WNT3A: variants seen among roughly 807,000 people sequenced by gnomAD.
WNT3A encodes the protein Wnt family member 3A.
A neutral mutation model predicts 37.0 loss-of-function variants in WNT3A; 17 were observed. The observed-to-expected ratio is 0.46, with a 90% confidence interval of 0.31 to 0.69. The LOEUF (loss-of-function observed/expected upper bound fraction) is 0.69. Among genes scored for constraint, WNT3A ranks in the 30% least tolerant of loss-of-function variants. The pLI is 0.05. For synonymous variants in WNT3A, 187 were observed against 211.0 expected (o/e 0.89, Z 0.99); for missense variants, 411 against 510.2 (o/e 0.81, Z 1.87).
rs1289208081 is a variant in WNT3A, at chr1:228,042,735, T to C, written c.314-7921T>C. Among the ~76,000 whole-genome samples, 3 of 150,792 alleles carry C rather than the reference T, an allele frequency of 2.0e-5. No individual in the cohort carries two copies. Among genetic ancestry groups the C allele is most frequent in the Non-Finnish European group, 4.4e-5 (3 of 67,708 alleles). Reference sequence around the variant, plus strand: ...GGATGATAGATGTATGGATAATGTATGGATATGGATGATGAATGGATGAAT... The same window carrying C: ...GGATGATAGATGTATGGATAATGTACGGATATGGATGATGAATGGATGAAT... On this transcript the variant is annotated intron_variant, in intron 2 of 3. Transcript: ENST00000284523. The surrounding 1 kb of genome is among the most constrained non-coding windows in gnomAD (Gnocchi z 5.2).
chr1:228,008,334 G>C lies in WNT3A; in HGVS notation c.71+1135G>C, dbSNP rs1415390508. 6.6e-6 allele frequency among the ~76,000 whole-genome samples: 1 copy of C among 152,206 alleles called. No homozygotes were observed. On this transcript the variant is annotated intron_variant, in intron 1 of 3. Coordinates refer to ENST00000284523, the MANE Select transcript of WNT3A (RefSeq NM_033131.4). The surrounding 1 kb of genome is among the most constrained non-coding windows in gnomAD (Gnocchi z 4.9). ...TATAATAATTACGCCGAGGGGAAGGGGGGAGACCCAGCGAGCCGAGGTACA... is the reference window on the plus strand; with the variant it reads ...TATAATAATTACGCCGAGGGGAAGGCGGGAGACCCAGCGAGCCGAGGTACA...
rs1036124311 is a variant in WNT3A, at chr1:228,035,177, TC to T, written c.313+12271del. On this transcript the variant is annotated intron_variant, in intron 2 of 3. Coordinates refer to ENST00000284523, the MANE Select transcript of WNT3A (RefSeq NM_033131.4). Reference sequence around the variant, plus strand: ...TGGGCTGAATCTTGAAGGATTTTCTTCCTTTAAAACACACACATATGCAGTA... The same window carrying T: ...TGGGCTGAATCTTGAAGGATTTTCTTCTTTAAAACACACACATATGCAGTA... 1.6e-4 allele frequency among the ~76,000 whole-genome samples: 25 copies of T among 152,286 alleles called. 1 individual carries two copies. Among genetic ancestry groups the T allele is most frequent in the Admixed American group, 6.5e-4 (10 of 15,298 alleles).
chr1:228,054,926 C>CGGGTGGACCACCTGAGGTTAG (rs57084903), intron 3 of WNT3A, among the ~76,000 whole-genome samples: 17,255 of 150,172 alleles, frequency 0.11, 1,121 homozygotes, highest in East Asian at 0.24. Context: ...GAGGCCGAGG[C>CGGGTGGACCACCTGAGGTTAG]GAGTTCGAGA....
intron 2 of WNT3A, among the ~76,000 whole-genome samples, chr1:228,028,134 T>C (rs1246292456): frequency 1.3e-5 from 2 of 152,194 alleles, no homozygotes; most frequent in African/African-American, 4.8e-5. Context: ...TTGGTCTATG[T>C]GCCTACTTTC....
chr1:228,027,408 C>T (rs2030878551), intron 2 of WNT3A, among the ~76,000 whole-genome samples: 2 of 152,198 alleles, frequency 1.3e-5, no homozygotes, highest in African/African-American at 2.4e-5. Context: ...GTATAAGCAT[C>T]CTCTTTTCCC....
At chr1:228,034,283 CACACACACAT>C (rs2031085784) in intron 2 of WNT3A, among the ~76,000 whole-genome samples, 1 of 152,144 alleles carries the variant, frequency 6.6e-6, no homozygotes, top group Admixed American at 6.5e-5. Context: ...CACACATACG[CACACACACAT>C]ACACACACAA....
chr1:228,060,027 A>G lies in WNT3A; in HGVS notation c.*562A>G. On this transcript the variant is annotated 3_prime_UTR_variant, in exon 4 of 4. Transcript: ENST00000284523. ...CCTGGATGGGGCAGAGCTTCTCCTG[A>G]CCAGGGCAAGGCCCCTTCCACGGGG... is the stretch of plus-strand genomic sequence containing the variant. 8.5e-7 allele frequency: 1 copy of G among 1,176,730 alleles called. No homozygotes were observed. The highest frequency in any genetic ancestry group is 1.6e-5 in the South Asian group (1 of 62,580). 72.9% of individuals were successfully genotyped at this position (1,176,730 alleles called of 1,614,324 possible).
chr1:228,012,661 C>T lies in WNT3A; in HGVS notation c.71+5462C>T, dbSNP rs181114986. On this transcript the variant is annotated intron_variant, in intron 1 of 3. Transcript: ENST00000284523. ...GGTTGCTGTTTCTGTTCAGAAGACC[C>T]GCTTCATGTCTCTGAAGGCTATTGG... 3.5e-4 allele frequency among the ~76,000 whole-genome samples: 53 copies of T among 152,196 alleles called. No individual in the cohort carries two copies. In the South Asian group the frequency reaches 9.8e-3, roughly 28 times the overall value.
chr1:228,033,850 C>A (rs1183090483), intron 2 of WNT3A, among the ~76,000 whole-genome samples: 3 of 152,154 alleles, frequency 2.0e-5, no homozygotes, highest in Admixed American at 1.3e-4. Context: ...TTTCAGCATA[C>A]AAATCTTGCA....
Position 228,033,402 on chromosome 1 carries a change from C to T in WNT3A, c.313+10494C>T, listed in dbSNP as rs1003527680. Reference sequence around the variant, plus strand: ...TTTGCATGTGGAAATCCAGTTATTCCAGCACAATCTGTTGCAGACTGTTCT... The same window carrying T: ...TTTGCATGTGGAAATCCAGTTATTCTAGCACAATCTGTTGCAGACTGTTCT... On this transcript the variant is annotated intron_variant, in intron 2 of 3. Transcript: ENST00000284523. Among the ~76,000 whole-genome samples the T allele has an allele frequency of 2.6e-5, 4 of 152,244 alleles. 1 individual carries two copies. Among genetic ancestry groups the T allele is most frequent in the Middle Eastern group, 6.8e-3 (2 of 294 alleles).
rs762028340 is a variant in WNT3A, at chr1:228,042,385, CTGGA to C, written c.314-8256_314-8253del. Reference sequence around the variant, plus strand: ...CTGGCTCATTAGGGACTCTCAGATCCTGGATGGATGGATGGATGATGGATGGATG... The same window carrying C: ...CTGGCTCATTAGGGACTCTCAGATCCTGGATGGATGGATGATGGATGGATG... On this transcript the variant is annotated intron_variant, in intron 2 of 3. Coordinates refer to ENST00000284523, the MANE Select transcript of WNT3A (RefSeq NM_033131.4). This position sits in a 1 kb window ranked among gnomAD's most constrained non-coding sequence, Gnocchi z 5.2. 6.6e-6 allele frequency among the ~76,000 whole-genome samples: 1 copy of C among 152,070 alleles called. No individual in the cohort carries two copies. Among genetic ancestry groups the C allele is most frequent in the African/African-American group, 2.4e-5 (1 of 41,394 alleles).
Position 228,059,608 on chromosome 1 carries a change from G to C in WNT3A, c.*143G>C, listed in dbSNP as rs1020476307. ...TCCCTGGGGGTGGGGCTCCTACCTG[G>C]GGGCAGAACTCCTACCTGAAGGCAG... On this transcript the variant is annotated 3_prime_UTR_variant, in exon 4 of 4. Transcript: ENST00000284523. 7.8e-5 allele frequency: 108 copies of C among 1,389,800 alleles called. No individual in the cohort carries two copies. Among genetic ancestry groups the C allele is most frequent in the Middle Eastern group, 2.6e-4 (1 of 3,784 alleles). The allele number at this position is 1,389,800 out of a possible 1,614,324, so 86.1% of individuals were successfully genotyped here.
At chr1:228,048,351 C>T (rs911305934) in intron 2 of WNT3A, among the ~76,000 whole-genome samples, 2 of 152,216 alleles carry the variant, frequency 1.3e-5, no homozygotes, top group East Asian at 1.9e-4. Context: ...CCCCAGGGCA[C>T]ACCTAGCCCC....
chr1:228,011,870 G>A (rs1571790636), intron 1 of WNT3A, among the ~76,000 whole-genome samples: 2 of 152,186 alleles, frequency 1.3e-5, no homozygotes, highest in South Asian at 4.1e-4. Flanking sequence ...GTGGCCACAC[G>A]TCAAGTGTCT....
intron 2 of WNT3A, among the ~76,000 whole-genome samples, chr1:228,034,228 C>T (rs1360605291): frequency 6.6e-6 from 1 of 152,188 alleles, no homozygotes; most frequent in African/African-American, 2.4e-5. Context: ...CACCACTACA[C>T]TCCAGCCTGG....
intron 2 of WNT3A, among the ~76,000 whole-genome samples, chr1:228,048,761 C>A (rs1370556901): frequency 6.6e-6 from 1 of 151,908 alleles, no homozygotes; most frequent in Non-Finnish European, 1.5e-5. Context: ...GCCAGGCCCA[C>A]CCCCTCTCCT....
intron 2 of WNT3A, among the ~76,000 whole-genome samples, chr1:228,023,797 T>A (rs1314001836): frequency 6.6e-6 from 1 of 152,166 alleles, no homozygotes; most frequent in African/African-American, 2.4e-5. Flanking sequence ...AAAAAGGAAA[T>A]CTGTGCGCAT....
chr1:228,025,434 G>C (rs918573896), intron 2 of WNT3A, among the ~76,000 whole-genome samples: 1 of 151,784 alleles, frequency 6.6e-6, no homozygotes, highest in African/African-American at 2.4e-5. Context: ...TTGCAGCCTT[G>C]ACCTTCCAGG....
Position 228,059,392 on chromosome 1 carries a change from G to C in WNT3A, c.986G>C (p.Cys329Ser). 6.4e-7 allele frequency: 1 copy of C among 1,561,984 alleles called. No homozygotes were observed. Among genetic ancestry groups the C allele is most frequent in the Non-Finnish European group, 8.6e-7 (1 of 1,158,084 alleles). The part of the protein sequence containing the change: ...RAERRREKCR[C>S]VFHWCCYVSC... ...GAGCGGCGCCGGGAGAAGTGCCGCT[G>C]CGTGTTCCACTGGTGCTGCTACGTC... The change falls in exon 4 of 4, where the codon TGC (cysteine) becomes TCC (serine). Residue 329 changes from cysteine (C) to serine (S), a missense_variant. By Grantham distance (112) the Cys-to-Ser change is moderately radical (BLOSUM62 -1). Transcript: ENST00000284523.
Sources: allele counts gnomAD v4.1 joint callset (sites outside exome capture counted in the v4.1 genomes callset), GRCh38; gene constraint gnomAD v4.1.1; non-coding constraint Gnocchi (gnomAD v3.1); transcripts MANE v1.5; gene names NCBI Gene and HGNC (gene_info 2026-07-23, HGNC 2026-07-21).